Variants in MOB3B observed in about 807,000 individuals in gnomAD.
The protein encoded by MOB3B is MOB kinase activator-like 2B.
Under a neutral mutation model 18.7 loss-of-function variants are expected in MOB3B, and 7 were observed. The observed-to-expected ratio is 0.37, with a 90% CI of 0.21 to 0.70. The LOEUF is 0.70. Ranked by LOEUF, MOB3B falls within the 30% of genes least tolerant of loss-of-function variation. The probability of loss-of-function intolerance (pLI) is 0.52; values close to 1 mark genes in which losing one functional copy is unlikely to be tolerated. For synonymous variants in MOB3B, 111 were observed against 99.9 expected (o/e 1.11, Z -0.66); for missense variants, 253 against 281.3 (o/e 0.90, Z 0.72).
chr9:27,449,425 T>C (rs1822747598), intron 2 of MOB3B, among the ~76,000 whole-genome samples: 1 of 152,212 alleles, frequency 6.6e-6, no homozygotes, highest in African/African-American at 2.4e-5. Flanking sequence ...TTATTCATAC[T>C]GCTTCATTTA....
chr9:27,457,308 A>C (rs1250251532), intron 1 of MOB3B, among the ~76,000 whole-genome samples: 1 of 152,224 alleles, frequency 6.6e-6, no homozygotes. Context: ...GAGATAACTG[A>C]TCCACTCATA....
chr9:27,368,709 T>C (rs1821372134), intron 2 of MOB3B, among the ~76,000 whole-genome samples: 1 of 152,186 alleles, frequency 6.6e-6, no homozygotes, highest in African/African-American at 2.4e-5. Flanking sequence ...ATCATGGTGG[T>C]TGGGCCAAAA....
In MOB3B at chr9:27,493,330, A is replaced by G. The variant is rs537690743; in HGVS notation, c.-199+36225T>C. Among the ~76,000 whole-genome samples the G allele has an allele frequency of 1.2e-4, 19 of 152,288 alleles. No individual in the cohort carries two copies. In the South Asian group the frequency reaches 2.1e-3, roughly 17 times the overall value. On this transcript the variant is annotated intron_variant, in intron 1 of 3. Transcript: ENST00000262244. ...ATTTCTTATGCCTGTCTTTACTGCA[A>G]TCTCTAAACATAAATTGTAAAGATT...
intron 2 of MOB3B, among the ~76,000 whole-genome samples, chr9:27,390,636 TC>T (rs1821714709): frequency 6.6e-6 from 1 of 152,216 alleles, no homozygotes; most frequent in African/African-American, 2.4e-5. Flanking sequence ...CGAAATCCTT[TC>T]ACCATAGTGA....
intron 3 of MOB3B, among the ~76,000 whole-genome samples, chr9:27,357,473 C>G (rs1478047461): frequency 2.6e-5 from 4 of 151,692 alleles, no homozygotes; most frequent in Non-Finnish European, 5.9e-5. Flanking sequence ...CACTAACCAC[C>G]CCAGGCCAAG....
chr9:27,454,102 C>T lies in MOB3B; in HGVS notation c.418+1031G>A, dbSNP rs560251419. On this transcript the variant is annotated intron_variant, in intron 2 of 3. Transcript: ENST00000262244. Reference sequence around the variant, plus strand: ...CGAATATTTCAAGATGTACATACTGCGTCAATCAATGTATACATTTTTTTT... The same window carrying T: ...CGAATATTTCAAGATGTACATACTGTGTCAATCAATGTATACATTTTTTTT... Among the ~76,000 whole-genome samples, 174 of 152,228 alleles carry T rather than the reference C, an allele frequency of 1.1e-3. 2 individuals carry two copies. The highest frequency in any genetic ancestry group is 6.8e-3 in the Middle Eastern group (2 of 294).
At chr9:27,456,043 A>G (rs1822864471) in intron 1 of MOB3B, among the ~76,000 whole-genome samples, 1 of 152,182 alleles carries the variant, frequency 6.6e-6, no homozygotes, top group African/African-American at 2.4e-5. Context: ...TTAAGGATGA[A>G]CATGTTGATC....
Position 27,404,347 on chromosome 9 carries a change from C to CTTTTTTTT in MOB3B, c.419-45119_419-45112dup, listed in dbSNP as rs756275032. Among the ~76,000 whole-genome samples the CTTTTTTTT allele has an allele frequency of 8.0e-3, 598 of 75,170 alleles. 3 individuals are homozygous for CTTTTTTTT. Among genetic ancestry groups the CTTTTTTTT allele is most frequent in the Non-Finnish European group, 0.01 (425 of 41,230 alleles). The allele number at this position is 75,170 out of a possible 152,430, so 49.3% of individuals were successfully genotyped here. On this transcript the variant is annotated intron_variant, in intron 2 of 3. Transcript: ENST00000262244. Reference sequence around the variant, plus strand: ...TCTTTCTTTCTTTCCTTCTTTCTTTCTTTTTTTTTTTTTTTTTTTTTTTTT... The same window carrying CTTTTTTTT: ...TCTTTCTTTCTTTCCTTCTTTCTTTCTTTTTTTTTTTTTTTTTTTTTTTTTTTTTTTTT...
intron 1 of MOB3B, among the ~76,000 whole-genome samples, chr9:27,500,553 A>G (rs1819974941): frequency 6.6e-6 from 1 of 152,236 alleles, no homozygotes; most frequent in Non-Finnish European, 1.5e-5. Flanking sequence ...GTATGTAGAA[A>G]GCTGAAACTG....
chr9:27,503,028 AGTGTT>A (rs954847937), intron 1 of MOB3B, among the ~76,000 whole-genome samples: 9 of 152,150 alleles, frequency 5.9e-5, no homozygotes, highest in Non-Finnish European at 1.2e-4. Context: ...CAAAGCTGTA[AGTGTT>A]AGTTCAGAGA....
intron 1 of MOB3B, among the ~76,000 whole-genome samples, chr9:27,502,597 T>C (rs1186028719): frequency 6.6e-6 from 1 of 152,246 alleles, no homozygotes; most frequent in African/African-American, 2.4e-5. Flanking sequence ...AGGTGTCCCT[T>C]TCCTCCCCAG....
At chr9:27,380,901 G>A (rs1055160932) in intron 2 of MOB3B, among the ~76,000 whole-genome samples, 2 of 152,150 alleles carry the variant, frequency 1.3e-5, no homozygotes, top group Non-Finnish European at 2.9e-5. Context: ...ACTGCCTAAG[G>A]AAGTTCAATT....
At chr9:27,378,061 C>T (rs1433770877) in intron 2 of MOB3B, among the ~76,000 whole-genome samples, 1 of 152,338 alleles carries the variant, frequency 6.6e-6, no homozygotes, top group South Asian at 2.1e-4. Context: ...ATTCTTCCTG[C>T]AATCTATGAG....
At chr9:27,431,774 C>T (rs1055859897) in intron 2 of MOB3B, among the ~76,000 whole-genome samples, 1 of 152,158 alleles carries the variant, frequency 6.6e-6, no homozygotes, top group Non-Finnish European at 1.5e-5. Flanking sequence ...AGAGAAAGAA[C>T]ATTCTTTTCC....
At chr9:27,406,875 G>A (rs532061034) in intron 2 of MOB3B, among the ~76,000 whole-genome samples, 1 of 151,494 alleles carries the variant, frequency 6.6e-6, no homozygotes, top group Non-Finnish European at 1.5e-5. Context: ...TTTTGCTCTT[G>A]TTGTGCTGGC....
intron 1 of MOB3B, among the ~76,000 whole-genome samples, chr9:27,471,241 G>A (rs1005046949): frequency 5.3e-5 from 8 of 152,168 alleles, no homozygotes; most frequent in Admixed American, 4.6e-4. Context: ...TGGTCCATGG[G>A]CCAAAAGTCA....
intron 2 of MOB3B, among the ~76,000 whole-genome samples, chr9:27,416,909 G>A (rs1822158892): frequency 1.3e-5 from 2 of 152,120 alleles, no homozygotes. Context: ...ATGTGCTTAT[G>A]ACTACTAGAA....
At chr9:27,525,204 T>A (rs1820417396) in intron 1 of MOB3B, among the ~76,000 whole-genome samples, 1 of 152,178 alleles carries the variant, frequency 6.6e-6, no homozygotes, top group African/African-American at 2.4e-5. Context: ...TCCCTCTCCG[T>A]CTTCTTCTAT....
At chr9:27,382,492 T>C (rs1821592294) in intron 2 of MOB3B, among the ~76,000 whole-genome samples, 1 of 151,962 alleles carries the variant, frequency 6.6e-6, no homozygotes, top group South Asian at 2.1e-4. Context: ...TCCAACCCCC[T>C]TCACCCCCAT....
Sources: gnomAD v4.1 joint callset for allele counts (sites outside exome capture counted in the v4.1 genomes callset) on GRCh38, gnomAD v4.1.1 for gene constraint, MANE v1.5 for transcripts, NCBI Gene and HGNC (gene_info 2026-07-23, HGNC 2026-07-21) for gene names.